The following IQSEC3 variants were observed in gnomAD, a reference collection of about 807,000 sequenced individuals.
The protein encoded by IQSEC3 is IQ motif and Sec7 domain ArfGEF 3.
Under a neutral mutation model 105.4 loss-of-function variants are expected in IQSEC3, and 50 were observed. The ratio of observed to expected loss-of-function variants is 0.47; its 90% confidence interval spans 0.38 to 0.60. IQSEC3 has a LOEUF of 0.60. Ranked by LOEUF, IQSEC3 falls within the 20% of genes least tolerant of loss-of-function variation. The probability of loss-of-function intolerance (pLI) is 0.00; values close to 1 mark genes in which losing one functional copy is unlikely to be tolerated. For synonymous variants in IQSEC3, 708 were observed against 746.0 expected (o/e 0.95, Z 0.83); for missense variants, 1,415 against 1,630.0 (o/e 0.87, Z 2.27).
In IQSEC3 at chr12:138,841, C is replaced by T; in HGVS notation, c.1478C>T (p.Ala493Val). ...TTCCGGGACGTCACGGTGCAGATCG[C>T]CAACCAGAACATATCCGTCTCCTCC... ...MAFRDVTVQI[A>V]NQNISVSSST... Residue 493 changes from alanine to valine, a missense_variant, in exon 4 of 14, where the codon GCC becomes GTC. By Grantham distance (64) the Ala-to-Val change is moderately conservative. Coordinates refer to ENST00000538872, the MANE Select transcript of IQSEC3 (RefSeq NM_001170738.2). The surrounding 1 kb of genome is among the most constrained non-coding windows in gnomAD (Gnocchi z 7.1). 6 of 1,612,246 alleles carry T rather than the reference C, an allele frequency of 3.7e-6. No homozygotes were observed. Among genetic ancestry groups the T allele is most frequent in the Non-Finnish European group, 5.1e-6 (6 of 1,179,414 alleles).
chr12:122,936 G>T (rs1455550397), intron 2 of IQSEC3, among the ~76,000 whole-genome samples: 1 of 152,202 alleles, frequency 6.6e-6, no homozygotes, highest in East Asian at 1.9e-4. Context: ...ACAATCTGGA[G>T]GAAAGATGAG....
chr12:81,528 G>T (rs980055538), intron 1 of IQSEC3, among the ~76,000 whole-genome samples: 2 of 152,200 alleles, frequency 1.3e-5, no homozygotes, highest in Non-Finnish European at 2.9e-5. Flanking sequence ...ATCAGTGTGG[G>T]ATGTGAGACA....
At chr12:104,314 ATTTT>A (rs1565398217) in intron 2 of IQSEC3, among the ~76,000 whole-genome samples, 3 of 152,078 alleles carry the variant, frequency 2.0e-5, no homozygotes, top group Non-Finnish European at 2.9e-5. Flanking sequence ...TGCTGCTAGA[ATTTT>A]TTTTAAGCGC....
chr12:97,593 T>C (rs1864278406), intron 1 of IQSEC3, among the ~76,000 whole-genome samples: 2 of 152,190 alleles, frequency 1.3e-5, no homozygotes, highest in Admixed American at 1.3e-4. Context: ...GACGGGAGGA[T>C]TGCCTGAGGC....
intron 3 of IQSEC3, among the ~76,000 whole-genome samples, chr12:126,499 A>T (rs1865415100): frequency 6.6e-6 from 1 of 151,488 alleles, no homozygotes; most frequent in African/African-American, 2.4e-5. Context: ...CCCCCAAAAA[A>T]GATAATGCCT....
intron 2 of IQSEC3, among the ~76,000 whole-genome samples, chr12:112,765 C>A (rs1019280435): frequency 3.3e-5 from 5 of 152,142 alleles, no homozygotes; most frequent in Admixed American, 2.0e-4. Flanking sequence ...CAAAGCAAAA[C>A]AAATGGCAGG....
intron 5 of IQSEC3, among the ~76,000 whole-genome samples, chr12:154,389 G>A: frequency 6.6e-6 from 1 of 152,182 alleles, no homozygotes; most frequent in Non-Finnish European, 1.5e-5. Context: ...GTGAGACCTG[G>A]TCCATAGCCC....
chr12:130,010 C>A (rs1555084500), intron 3 of IQSEC3, among the ~76,000 whole-genome samples: 1 of 152,238 alleles, frequency 6.6e-6, no homozygotes, highest in African/African-American at 2.4e-5. Context: ...AGATTTCTAC[C>A]ATGGGCACAG....
intron 1 of IQSEC3, among the ~76,000 whole-genome samples, chr12:94,370 C>T (rs1383884280): frequency 1.3e-5 from 2 of 152,226 alleles, no homozygotes; most frequent in Admixed American, 6.5e-5. Context: ...GGTCAGGAAA[C>T]TTAGACCATG....
chr12:125,677 TGGTGGCAGCGGCGGC>T lies in IQSEC3; in HGVS notation c.678_692del (p.Ala227_Ala231del), dbSNP rs1370248719. ...GCCGGTGGGGGCATGGAGGACTCCG[TGGTGGCAGCGGCGGC>T]GGTGGCAGCCGGCAGACCCAGTGCC... On this transcript the variant is annotated inframe_deletion, in exon 3 of 14. Coordinates refer to ENST00000538872, the MANE Select transcript of IQSEC3 (RefSeq NM_001170738.2). 9 of 1,540,336 alleles carry T rather than the reference TGGTGGCAGCGGCGGC, an allele frequency of 5.8e-6. No individual in the cohort carries two copies. The highest frequency in any genetic ancestry group is 1.2e-5 in the South Asian group (1 of 80,508).
In IQSEC3 at chr12:157,011, C is replaced by T. The variant is rs1866710794; in HGVS notation, c.2154-14C>T. ...GGTGCCACCTGACCTCACACCCTCC[C>T]TGCCTGCCCTCAGCTGCGTGGTGGA... On this transcript the variant is annotated splice_polypyrimidine_tract_variant and intron_variant, in intron 5 of 13. Coordinates refer to ENST00000538872, the MANE Select transcript of IQSEC3 (RefSeq NM_001170738.2). The T allele has an allele frequency of 6.3e-7, 1 of 1,581,202 alleles. No homozygotes were observed. The highest frequency in any genetic ancestry group is 1.4e-5 in the African/African-American group (1 of 73,912).
intron 2 of IQSEC3, among the ~76,000 whole-genome samples, chr12:120,313 G>C (rs541069217): frequency 3.9e-5 from 6 of 152,168 alleles, no homozygotes; most frequent in Non-Finnish European, 7.3e-5. Context: ...ATCATAAAGC[G>C]GGATGGTGGC....
Position 174,890 on chromosome 12 carries a change from G to A in IQSEC3, c.3406G>A (p.Gly1136Ser), listed in dbSNP as rs536985439. 14 of 1,571,184 alleles carry A rather than the reference G, an allele frequency of 8.9e-6. No homozygotes were observed. The highest frequency in any genetic ancestry group is 5.8e-5 in the South Asian group (5 of 86,656). ...CTCCTGCGGCTCCACACCCCTGGGCGGTCCCGGCTCTCCGGTCAAGGTCAC... is the reference window on the plus strand; with the variant it reads ...CTCCTGCGGCTCCACACCCCTGGGCAGTCCCGGCTCTCCGGTCAAGGTCAC... ...SDSCGSTPLG[G>S]PGSPVKVTHQ... The change falls in exon 14 of 14, where the codon GGT (glycine) becomes AGT (serine). Residue 1136 changes from glycine (G) to serine (S), a missense_variant. This residue lies in a region of IQSEC3 where 419 missense variants were observed against 436.2 expected (regional missense o/e 0.96). Transcript: ENST00000538872.
chr12:122,621 C>T (rs1865256845), intron 2 of IQSEC3, among the ~76,000 whole-genome samples: 1 of 152,200 alleles, frequency 6.6e-6, no homozygotes, highest in South Asian at 2.1e-4. Context: ...TATCAAGTGA[C>T]TGCTTTGGGC....
chr12:139,390 G>A, intron 4 of IQSEC3, 36 bp downstream of exon 4: 1 of 1,488,498 alleles, frequency 6.7e-7, no homozygotes, highest in Non-Finnish European at 9.0e-7. Flanking sequence ...GGAGTCCTGG[G>A]CGTCCTGGGA....
intron 5 of IQSEC3, chr12:141,619 T>C (rs901092930): frequency 6.5e-5 from 18 of 277,486 alleles, no homozygotes; most frequent in African/African-American, 3.9e-4. Flanking sequence ...GTGTCAGCAC[T>C]GGGGTTCATC....
chr12:165,434 A>T lies in IQSEC3; in HGVS notation c.2710A>T (p.Ile904Phe). 6.2e-7 allele frequency: 1 copy of T among 1,613,598 alleles called. No homozygotes were observed. Among genetic ancestry groups the T allele is most frequent in the Non-Finnish European group, 8.5e-7 (1 of 1,179,588 alleles). Residue 904 changes from isoleucine (I) to phenylalanine (F), a missense_variant and splice_region_variant, in exon 10 of 14, where the codon ATT (isoleucine) becomes TTT (phenylalanine). Physicochemically the swap from Ile to Phe is conservative, Grantham distance 21. Around this residue, in one of 6 missense-constraint regions of IQSEC3, gnomAD observed 419 missense variants for 436.2 expected, o/e 0.96. Coordinates refer to ENST00000538872, the MANE Select transcript of IQSEC3 (RefSeq NM_001170738.2). ...EVFLFNDLLV[I>F]LKLCPKKKSS... ...ATGCCTGTTTCCCTCTCCTGAACAG[A>T]TTCTCAAACTTTGCCCGAAGAAGAA...
chr12:160,121 T>G (rs781917071), intron 7 of IQSEC3, among the ~76,000 whole-genome samples: 1 of 151,922 alleles, frequency 6.6e-6, no homozygotes, highest in Non-Finnish European at 1.5e-5. Flanking sequence ...AATATTGGTT[T>G]GTTTGTTTGT....
At chr12:171,520 C>G in intron 13 of IQSEC3, 1 of 603,198 alleles carries the variant, frequency 1.7e-6, no homozygotes, top group Non-Finnish European at 2.9e-6. Flanking sequence ...TCCCCCAGTA[C>G]TTGCTGTATC....
Sources: allele counts gnomAD v4.1 joint callset (sites outside exome capture counted in the v4.1 genomes callset), GRCh38; gene constraint gnomAD v4.1.1; regional missense constraint gnomAD v4.1.1; non-coding constraint Gnocchi (gnomAD v3.1); transcripts MANE v1.5; gene names NCBI Gene and HGNC (gene_info 2026-07-23, HGNC 2026-07-21).